The following LNPEP variants were observed in gnomAD, a reference collection of about 807,000 sequenced individuals.
The protein encoded by LNPEP is leucyl-cystinyl aminopeptidase.
A neutral mutation model predicts 120.6 loss-of-function variants in LNPEP; 64 were observed. The observed-to-expected ratio is 0.53, with a 90% confidence interval of 0.43 to 0.65. The LOEUF is 0.65. Ranked by LOEUF, LNPEP falls within the 30% of genes least tolerant of loss-of-function variation. LNPEP has a pLI of 0.00. For synonymous variants in LNPEP, 435 were observed against 425.4 expected (o/e 1.02, Z -0.28); for missense variants, 1,057 against 1,200.0 (o/e 0.88, Z 1.76).
In LNPEP at chr5:96,947,011, A is replaced by C. The variant is rs1483268906; in HGVS notation, c.19+10837A>C. On this transcript the variant is annotated intron_variant, in intron 1 of 17. Coordinates refer to ENST00000231368, the MANE Select transcript of LNPEP (RefSeq NM_005575.3). ...CTAATGTAATTTTTCATTTTAAATA[A>C]GGAATTATAGGTTAAGATGTTCTTT... 2.6e-5 allele frequency among the ~76,000 whole-genome samples: 4 copies of C among 152,360 alleles called. No homozygotes were observed. In the East Asian group the frequency reaches 7.7e-4, roughly 29 times the overall value.
intron 1 of LNPEP, among the ~76,000 whole-genome samples, chr5:96,975,020 T>G (rs1328108968): frequency 1.3e-5 from 2 of 152,144 alleles, no homozygotes; most frequent in African/African-American, 2.4e-5. Flanking sequence ...AACCTGAATC[T>G]TCCACCCAGA....
chr5:97,028,750 C>G lies in LNPEP; in HGVS notation c.*217C>G, dbSNP rs39602. ...TTATTTATTACAAAATTATATTCAC[C>G]TAAATGCCAACCATCTACAAAAACA... On this transcript the variant is annotated 3_prime_UTR_variant, in exon 18 of 18. Coordinates refer to ENST00000231368, the MANE Select transcript of LNPEP (RefSeq NM_005575.3). The G allele has an allele frequency of 0.59, 237,456 of 402,094 alleles. 70,472 individuals carry two copies. The highest frequency in any genetic ancestry group is 0.71 in the Middle Eastern group (1,012 of 1,432). The allele number at this position is 402,094 out of a possible 1,614,324, so 24.9% of individuals were successfully genotyped here. A position where few individuals can be genotyped will look rare whatever the true frequency, so the allele number is the denominator to read the frequency against.
intron 1 of LNPEP, among the ~76,000 whole-genome samples, chr5:96,978,572 A>G (rs1790052968): frequency 6.6e-6 from 1 of 152,206 alleles, no homozygotes; most frequent in Non-Finnish European, 1.5e-5. Flanking sequence ...ACTCAATCTT[A>G]GAAATGGGCA....
chr5:97,027,119 C>T (rs1012348775), intron 16 of LNPEP, among the ~76,000 whole-genome samples: 5 of 152,142 alleles, frequency 3.3e-5, no homozygotes, highest in Admixed American at 1.3e-4. Context: ...TTTGGGAGGC[C>T]GAGATGGGCG....
At chr5:96,959,044 T>C in intron 1 of LNPEP, among the ~76,000 whole-genome samples, 1 of 152,260 alleles carries the variant, frequency 6.6e-6, no homozygotes. Context: ...CAGGATGGTC[T>C]TGATCTCTTG....
intron 2 of LNPEP, among the ~76,000 whole-genome samples, chr5:96,980,585 A>G (rs912556146): frequency 1.3e-5 from 2 of 152,172 alleles, no homozygotes; most frequent in Non-Finnish European, 2.9e-5. Context: ...TATTTGGACT[A>G]TATATTTAGT....
intron 1 of LNPEP, among the ~76,000 whole-genome samples, chr5:96,972,967 A>G (rs1170351397): frequency 6.6e-6 from 1 of 152,126 alleles, no homozygotes; most frequent in Non-Finnish European, 1.5e-5. Context: ...CTAGAAAATT[A>G]AAGGTGTTGT....
chr5:97,010,632 C>A, intron 11 of LNPEP: 1 of 985,098 alleles, frequency 1.0e-6, no homozygotes, highest in Non-Finnish European at 1.2e-6. Flanking sequence ...TTTCGTAGCT[C>A]ATTGACAAAT....
chr5:97,015,668 TA>T (rs1791048910), intron 13 of LNPEP, among the ~76,000 whole-genome samples: 1 of 152,140 alleles, frequency 6.6e-6, no homozygotes, highest in African/African-American at 2.4e-5. Context: ...TGAGAGACTT[TA>T]AAAGCTTGGA....
intron 1 of LNPEP, among the ~76,000 whole-genome samples, chr5:96,945,230 C>T (rs1464018421): frequency 7.2e-6 from 1 of 139,290 alleles, no homozygotes; most frequent in Non-Finnish European, 1.6e-5. Flanking sequence ...GAGCCTGTCT[C>T]TACAAAAAAA....
chr5:96,953,886 G>T (rs1463385849), intron 1 of LNPEP, among the ~76,000 whole-genome samples: 1 of 152,158 alleles, frequency 6.6e-6, no homozygotes, highest in Non-Finnish European at 1.5e-5. Context: ...GGTTATTTTT[G>T]ATTCTGAACC....
intron 4 of LNPEP, 145 bp from the exon 5 acceptor site, chr5:96,992,870 G>A: frequency 1.8e-6 from 1 of 561,824 alleles, no homozygotes; most frequent in Middle Eastern, 5.1e-4. Context: ...TGGGACTAAA[G>A]TAACCATAAG....
chr5:97,009,178 C>T (rs1446269758), intron 11 of LNPEP, among the ~76,000 whole-genome samples: 5 of 152,190 alleles, frequency 3.3e-5, no homozygotes, highest in East Asian at 1.9e-4. Context: ...CTTGCCTCCT[C>T]ACTCCCTCGG....
chr5:96,958,678 C>A, intron 1 of LNPEP: 1 of 182,408 alleles, frequency 5.5e-6, no homozygotes, highest in Non-Finnish European at 1.0e-5. Context: ...TTTCTGTAGG[C>A]TCTGGGCAGG....
chr5:96,990,851 C>T (rs564247650), intron 4 of LNPEP, among the ~76,000 whole-genome samples: 1 of 152,258 alleles, frequency 6.6e-6, no homozygotes, highest in South Asian at 2.1e-4. Context: ...TAGACTGAAG[C>T]CTCACATAAA....
chr5:96,964,841 A>G (rs1789689352), intron 1 of LNPEP, among the ~76,000 whole-genome samples: 2 of 152,196 alleles, frequency 1.3e-5, no homozygotes, highest in South Asian at 4.1e-4. Context: ...GCTAATTTGA[A>G]ATAGCAACCA....
chr5:96,976,206 C>T (rs1401213511), intron 1 of LNPEP, among the ~76,000 whole-genome samples: 1 of 151,914 alleles, frequency 6.6e-6, no homozygotes, highest in African/African-American at 2.4e-5. Context: ...AAGTGATTTT[C>T]CCTGATTTGA....
At chr5:97,024,819 T>A in intron 15 of LNPEP, 137 bp downstream of exon 15, 1 of 706,746 alleles carries the variant, frequency 1.4e-6, no homozygotes, top group Non-Finnish European at 2.3e-6. Flanking sequence ...GACAGTGTGG[T>A]GAGGAGACTA....
chr5:96,994,070 A>C, intron 6 of LNPEP, 99 bp downstream of exon 6: 1 of 889,062 alleles, frequency 1.1e-6, no homozygotes, highest in Non-Finnish European at 1.7e-6. Flanking sequence ...TTTTTTTTTT[A>C]AGCATTGCCT....
Sources: gnomAD v4.1 joint callset for allele counts (sites outside exome capture counted in the v4.1 genomes callset) on GRCh38, gnomAD v4.1.1 for gene constraint, MANE v1.5 for transcripts, NCBI Gene and HGNC (gene_info 2026-07-23, HGNC 2026-07-21) for gene names.